The following RAB38 variants were observed in gnomAD, a reference collection of about 807,000 sequenced individuals.
RAB38 encodes RAB38, member RAS oncogene family, also known as ras-related protein Rab-38.
A neutral mutation model predicts 18.4 loss-of-function variants in RAB38; 15 were observed. The ratio of observed to expected loss-of-function variants is 0.82; its 90% CI spans 0.55 to 1.26. The LOEUF is 1.26. RAB38 is among the 50% of genes most tolerant of loss of function. The probability of loss-of-function intolerance (pLI) is 0.00; values close to 1 mark genes in which losing one functional copy is unlikely to be tolerated. For missense variants in RAB38, 294 were observed against 267.4 expected (o/e 1.10, Z -0.69); for synonymous variants, 101 against 104.4 (o/e 0.97, Z 0.20).
chr11:87,893,371 C>CATATATATATATATGTAT, the RAB38 span, among the ~76,000 whole-genome samples: 249 of 86,402 alleles, frequency 2.9e-3, 1 homozygote, highest in African/African-American at 0.01. Flanking sequence ...ATATATTTTA[C>CATATATATATATATGTAT]ATATATATAT....
chr11:88,164,496 C>T (rs1406708170), intron 1 of RAB38, among the ~76,000 whole-genome samples: 3 of 151,970 alleles, frequency 2.0e-5, no homozygotes, highest in Admixed American at 6.6e-5. Context: ...CAGGAAATGA[C>T]GGTGGTATGG....
chr11:87,877,318 T>C, the RAB38 span, among the ~76,000 whole-genome samples: 4 of 151,576 alleles, frequency 2.6e-5, no homozygotes, highest in Non-Finnish European at 5.9e-5. Flanking sequence ...ACAAGATACT[T>C]ACTTTTCTGG....
In RAB38 at chr11:88,173,813, T is replaced by C. The variant is rs569691437; in HGVS notation, c.202+1370A>G. 13 of 985,400 alleles carry C rather than the reference T, an allele frequency of 1.3e-5. No homozygotes were observed. In the Admixed American group the frequency reaches 5.5e-4, roughly 42 times the overall value. 61.0% of individuals were successfully genotyped at this position (985,400 alleles called of 1,614,324 possible). ...TAGAGCAGCTGAAGATGACTCCAAA[T>C]GCATGAATCTGTTCATCTGTTCACA... On this transcript the variant is annotated intron_variant, in intron 1 of 2. Transcript: ENST00000243662.
the RAB38 span, among the ~76,000 whole-genome samples, chr11:87,927,508 C>T: frequency 2.6e-5 from 4 of 151,962 alleles, no homozygotes; most frequent in Non-Finnish European, 5.9e-5. Flanking sequence ...ATACTCGTCT[C>T]TTAACCATAC....
chr11:88,100,329 G>A, the RAB38 span, among the ~76,000 whole-genome samples: 1 of 151,920 alleles, frequency 6.6e-6, no homozygotes, highest in Non-Finnish European at 1.5e-5. Context: ...TTGTGGAATG[G>A]CCGTTTTAAG....
chr11:88,099,056 A>T, the RAB38 span, among the ~76,000 whole-genome samples: 2 of 151,982 alleles, frequency 1.3e-5, no homozygotes, highest in African/African-American at 4.8e-5. Flanking sequence ...GGAAATAAAA[A>T]TGTGTTCTTA....
At chr11:88,169,554 A>G (rs1320057804) in intron 1 of RAB38, among the ~76,000 whole-genome samples, 2 of 152,194 alleles carry the variant, frequency 1.3e-5, no homozygotes, top group African/African-American at 2.4e-5. Context: ...ATAGTTTTAA[A>G]GTCATCTGCA....
chr11:88,044,412 G>A, the RAB38 span, among the ~76,000 whole-genome samples: 4 of 151,962 alleles, frequency 2.6e-5, no homozygotes, highest in African/African-American at 9.7e-5. Flanking sequence ...ACTATGGGCA[G>A]CCTTCCACCC....
At chr11:88,031,974 A>T in the RAB38 span, among the ~76,000 whole-genome samples, 75,359 of 149,140 alleles carry the variant, frequency 0.51, 20,459 homozygotes, top group Non-Finnish European at 0.62. Context: ...ACCTGACTTC[A>T]AACTATACTA....
the RAB38 span, among the ~76,000 whole-genome samples, chr11:87,858,077 C>T: frequency 3.7e-4 from 57 of 152,276 alleles, no homozygotes; most frequent in African/African-American, 1.3e-3. Flanking sequence ...CAGCTTTCTA[C>T]ATATGGCTAG....
Position 88,175,184 on chromosome 11 carries a change from T to A in RAB38, c.201A>T (p.Ala67=), listed in dbSNP as rs1160722711. ...CTGACCCCCTCCCCCCGCGCTCACC[T>A]GCGATATCCCAGAGCTGCAGGCGCA... ...TVVRLQLWDI[A]GQERFGNMTR... is the part of the protein sequence containing the mutation. Residue 67 remains alanine, a splice_region_variant and synonymous_variant, in exon 1 of 3, where the codon GCA becomes GCT. Coordinates refer to ENST00000243662, the MANE Select transcript of RAB38 (RefSeq NM_022337.3). The A allele has an allele frequency of 5.6e-6, 9 of 1,603,114 alleles. No homozygotes were observed. Among genetic ancestry groups the A allele is most frequent in the Non-Finnish European group, 7.7e-6 (9 of 1,174,054 alleles).
At chr11:88,044,208 G>T in the RAB38 span, among the ~76,000 whole-genome samples, 1 of 152,294 alleles carries the variant, frequency 6.6e-6, no homozygotes, top group Non-Finnish European at 1.5e-5. Flanking sequence ...CCACGTTTCA[G>T]AGGTGTCTGA....
chr11:87,903,278 A>G, the RAB38 span, among the ~76,000 whole-genome samples: 2 of 151,406 alleles, frequency 1.3e-5, no homozygotes, highest in African/African-American at 4.8e-5. Context: ...GCATATTTTT[A>G]TAAATAAATA....
At chr11:88,104,065 T>C in the RAB38 span, among the ~76,000 whole-genome samples, 1 of 152,064 alleles carries the variant, frequency 6.6e-6, no homozygotes, top group East Asian at 1.9e-4. Flanking sequence ...TTTTCCCCTA[T>C]CTGGTGGGCT....
chr11:87,873,424 T>C, the RAB38 span, among the ~76,000 whole-genome samples: 1 of 151,540 alleles, frequency 6.6e-6, no homozygotes, highest in Non-Finnish European at 1.5e-5. Context: ...GACAGTATTT[T>C]TTGCAGAGCA....
chr11:88,164,409 T>C (rs1280676424), intron 1 of RAB38, among the ~76,000 whole-genome samples: 1 of 152,038 alleles, frequency 6.6e-6, no homozygotes, highest in Non-Finnish European at 1.5e-5. Context: ...CCTTTTGATG[T>C]CATTATATCT....
rs564532856 is a variant in RAB38 at position 88,125,662 on chromosome 11, C to G, written c.484-11522G>C. 2.1e-4 allele frequency among the ~76,000 whole-genome samples: 32 copies of G among 152,216 alleles called. No individual in the cohort carries two copies. The East Asian group carries it at 4.1e-3, about 19-fold the overall frequency. ...TGCAAAAATTGTCTCCCATTCTGTA[C>G]GTTGCCTGTTCACTCTGATGGTAGT... is the stretch of plus-strand genomic sequence containing the variant. On this transcript the variant is annotated intron_variant, in intron 2 of 2. Transcript: ENST00000243662.
the RAB38 span, among the ~76,000 whole-genome samples, chr11:88,016,167 C>T: frequency 6.6e-6 from 1 of 152,130 alleles, no homozygotes; most frequent in Non-Finnish European, 1.5e-5. Flanking sequence ...TTGCAGCAAT[C>T]CAAACTTTTA....
At chr11:88,047,950 T>C in the RAB38 span, among the ~76,000 whole-genome samples, 1 of 152,232 alleles carries the variant, frequency 6.6e-6, no homozygotes, top group African/African-American at 2.4e-5. Context: ...TCTGTCGTCA[T>C]TTCATAACCT....
Sources: allele counts gnomAD v4.1 joint callset (sites outside exome capture counted in the v4.1 genomes callset), GRCh38; gene constraint gnomAD v4.1.1; transcripts MANE v1.5; gene names NCBI Gene and HGNC (gene_info 2026-07-23, HGNC 2026-07-21).